DNAJB14: variants seen among roughly 807,000 people sequenced by gnomAD.
DNAJB14 encodes the protein DnaJ heat shock protein family (Hsp40) member B14, also known as dnaJ homolog subfamily B member 14.
In DNAJB14, 22 loss-of-function variants were observed where a neutral mutation model predicts 48.4. The ratio of observed to expected loss-of-function variants is 0.45; its 90% CI spans 0.32 to 0.65. The LOEUF is 0.65. Among genes scored for constraint, DNAJB14 ranks in the 30% least tolerant of loss-of-function variants. DNAJB14 has a pLI of 0.03. For synonymous variants in DNAJB14, 142 were observed against 158.7 expected (o/e 0.89, Z 0.79); for missense variants, 319 against 458.8 (o/e 0.70, Z 2.78).
intron 3 of DNAJB14, among the ~76,000 whole-genome samples, chr4:99,909,167 C>T (rs62305059): frequency 0.045 from 6,900 of 152,048 alleles, 226 homozygotes; most frequent in Middle Eastern, 0.12. Context: ...CTCCTAAAAT[C>T]CTGCCTCTTA....
At chr4:99,906,220 C>A in intron 5 of DNAJB14, 1 of 1,354,690 alleles carries the variant, frequency 7.4e-7, no homozygotes, top group Non-Finnish European at 9.6e-7. Flanking sequence ...TTTTTCAGTA[C>A]TCTAAATTCT....
chr4:99,946,390 G>A lies in DNAJB14; in HGVS notation c.133+49C>T, dbSNP rs200862319. 1.9e-6 allele frequency: 3 copies of A among 1,568,730 alleles called. No homozygotes were observed. In the East Asian group the frequency reaches 7.1e-5, roughly 37 times the overall value. On this transcript the variant is annotated intron_variant, in intron 1 of 7. Transcript: ENST00000442697. ...CGAGGTGGGGGCAGGGGCGGGCTAC[G>A]CGGTGGTCTGGGGATTGGGCAGGAA...
intron 3 of DNAJB14, among the ~76,000 whole-genome samples, chr4:99,920,708 G>A (rs1226740758): frequency 6.6e-6 from 1 of 152,090 alleles, no homozygotes; most frequent in Non-Finnish European, 1.5e-5. Flanking sequence ...GAACATATGA[G>A]TTCATTTAGT....
intron 1 of DNAJB14, chr4:99,942,067 G>A (rs910088117): frequency 2.6e-5 from 4 of 151,780 alleles, no homozygotes; most frequent in Non-Finnish European, 5.9e-5. Context: ...TTTTAAGTAA[G>A]ACAAAAAGAG....
intron 2 of DNAJB14, chr4:99,928,597 A>C (rs1281053866): frequency 2.2e-6 from 1 of 451,376 alleles, no homozygotes; most frequent in Admixed American, 2.4e-5. Flanking sequence ...ACCTTGGACT[A>C]CTCTTCTTTT....
intron 3 of DNAJB14, among the ~76,000 whole-genome samples, chr4:99,915,730 G>A (rs1725830956): frequency 6.6e-6 from 1 of 152,054 alleles, no homozygotes; most frequent in Admixed American, 6.5e-5. Flanking sequence ...TTGTATAAAT[G>A]TTGATTAGAT....
intron 3 of DNAJB14, among the ~76,000 whole-genome samples, chr4:99,909,678 T>C (rs1347832639): frequency 6.6e-6 from 1 of 152,062 alleles, no homozygotes; most frequent in Non-Finnish European, 1.5e-5. Flanking sequence ...GAGGTAATGT[T>C]ACACTGGTTA....
At chr4:99,906,190 A>C (rs1029575882) in intron 5 of DNAJB14, 1 of 1,335,854 alleles carries the variant, frequency 7.5e-7, no homozygotes, top group African/African-American at 1.5e-5. Flanking sequence ...TAGAACAAGG[A>C]AAGTTACCTC....
At chr4:99,936,546 A>G (rs1326751930) in intron 1 of DNAJB14, among the ~76,000 whole-genome samples, 1 of 152,242 alleles carries the variant, frequency 6.6e-6, no homozygotes, top group Non-Finnish European at 1.5e-5. Context: ...TCTGTAAGCT[A>G]TGAGTTCATT....
At chr4:99,919,323 A>G (rs1725966559) in intron 3 of DNAJB14, among the ~76,000 whole-genome samples, 2 of 152,080 alleles carry the variant, frequency 1.3e-5, no homozygotes, top group Non-Finnish European at 2.9e-5. Flanking sequence ...GGTGGCTCAC[A>G]CTGGTAATCC....
At chr4:99,912,923 CTAAG>C (rs369620702) in intron 3 of DNAJB14, among the ~76,000 whole-genome samples, 31 of 152,154 alleles carry the variant, frequency 2.0e-4, no homozygotes, top group Admixed American at 3.9e-4. Context: ...AAACTTACAC[CTAAG>C]TATTTTTTTG....
chr4:99,915,806 T>C (rs567670800), intron 3 of DNAJB14, among the ~76,000 whole-genome samples: 24 of 152,232 alleles, frequency 1.6e-4, no homozygotes, highest in Non-Finnish European at 3.1e-4. Context: ...AATTGTTCTA[T>C]CAATTATTGA....
In DNAJB14 at chr4:99,902,248, G is replaced by A. The variant is rs184662280; in HGVS notation, c.1016-1096C>T. Reference sequence around the variant, plus strand: ...GCTTGGGCTGGATAATTTTTTTGTTGTGGGGGGTCTGTGCATTGTAGGATG... The same window carrying A: ...GCTTGGGCTGGATAATTTTTTTGTTATGGGGGGTCTGTGCATTGTAGGATG... On this transcript the variant is annotated intron_variant, in intron 7 of 7. Transcript: ENST00000442697. 4.3e-3 allele frequency among the ~76,000 whole-genome samples: 655 copies of A among 150,868 alleles called. 3 individuals carry two copies. Among genetic ancestry groups the A allele is most frequent in the Admixed American group, 6.7e-3 (102 of 15,132 alleles).
intron 1 of DNAJB14, among the ~76,000 whole-genome samples, chr4:99,945,090 A>G (rs1682111777): frequency 6.6e-6 from 1 of 152,194 alleles, no homozygotes; most frequent in Non-Finnish European, 1.5e-5. Flanking sequence ...TCTGATTAGT[A>G]CACAGTTGTG....
intron 3 of DNAJB14, among the ~76,000 whole-genome samples, chr4:99,916,820 C>T (rs1030986722): frequency 6.6e-6 from 1 of 152,072 alleles, no homozygotes; most frequent in African/African-American, 2.4e-5. Context: ...CCTTTACTTC[C>T]CTTTATCTTC....
At position 99,896,656 on chromosome 4, in the gene DNAJB14, A is replaced by G. The variant is rs538571866; in HGVS notation, c.*4372T>C. The G allele has an allele frequency of 6.6e-6, 1 of 152,320 alleles. No individual in the cohort carries two copies. Among genetic ancestry groups the G allele is most frequent in the African/African-American group, 2.4e-5 (1 of 41,586 alleles). The allele number at this position is 152,320 out of a possible 1,614,324, so 9.4% of individuals were successfully genotyped here. On this transcript the variant is annotated 3_prime_UTR_variant, in exon 8 of 8. Coordinates refer to ENST00000442697, the MANE Select transcript of DNAJB14 (RefSeq NM_001031723.4). ...TCTTAATACAGATAAACTGCAAAAT[A>G]TCATTTATGTGTGTTTCTTCTCATT...
chr4:99,929,785 G>A (rs1223075024), intron 2 of DNAJB14: 1 of 152,122 alleles, frequency 6.6e-6, no homozygotes, highest in African/African-American at 2.4e-5. Context: ...TTAATCTTTA[G>A]TTTCCCTAGC....
At chr4:99,946,356 A>G in intron 1 of DNAJB14, 83 bp downstream of exon 1, 1 of 1,536,956 alleles carries the variant, frequency 6.5e-7, no homozygotes, top group Non-Finnish European at 8.8e-7. Flanking sequence ...GCAGGCCTCC[A>G]GGAGGGGCCG....
At chr4:99,920,099 C>A (rs1216992942) in intron 3 of DNAJB14, among the ~76,000 whole-genome samples, 1 of 152,076 alleles carries the variant, frequency 6.6e-6, no homozygotes, top group East Asian at 1.9e-4. Flanking sequence ...ATAAGAATGA[C>A]ACTGGTCTCT....
Sources: allele counts gnomAD v4.1 joint callset (sites outside exome capture counted in the v4.1 genomes callset), GRCh38; gene constraint gnomAD v4.1.1; transcripts MANE v1.5; gene names NCBI Gene and HGNC (gene_info 2026-07-23, HGNC 2026-07-21).